Variants in LYST observed in about 807,000 individuals in gnomAD.
LYST encodes lysosomal trafficking regulator.
Under a neutral mutation model 413.6 loss-of-function variants are expected in LYST, and 192 were observed. The ratio of observed to expected loss-of-function variants is 0.46; its 90% CI spans 0.41 to 0.52. The LOEUF (loss-of-function observed/expected upper bound fraction) is 0.52, where lower values mean the gene tolerates loss of function less well. LYST is among the 20% of genes least tolerant of loss of function. The probability of loss-of-function intolerance (pLI) is 0.00; values close to 1 mark genes in which losing one functional copy is unlikely to be tolerated. For synonymous variants in LYST, 1,525 were observed against 1,567.3 expected (o/e 0.97, Z 0.64); for missense variants, 3,815 against 4,499.9 (o/e 0.85, Z 4.35).
rs1412066795 is a variant in LYST at position 235,770,218 on chromosome 1, T to C, written c.5864A>G (p.Lys1955Arg). Reference sequence around the variant, plus strand: ...AACCACTTGAGCTTTCAATAACTGCTTAATATTAAACATCTGCTGGTGGTG... The same window carrying C: ...AACCACTTGAGCTTTCAATAACTGCCTAATATTAAACATCTGCTGGTGGTG... ...ADHHQQMFNI[K>R]QLLKAQVVHH... is the part of the protein sequence containing the mutation. Residue 1955 changes from lysine (K) to arginine (R), a missense_variant, in exon 20 of 53, where the codon AAG becomes AGG. By Grantham distance (26) the Lys-to-Arg change is conservative. Transcript: ENST00000389793. 1.2e-6 allele frequency: 2 copies of C among 1,613,678 alleles called. No individual in the cohort carries two copies. The highest frequency in any genetic ancestry group is 2.7e-5 in the African/African-American group (2 of 74,920).
At chr1:235,692,370 C>G (rs529467336) in intron 47 of LYST, among the ~76,000 whole-genome samples, 1 of 151,892 alleles carries the variant, frequency 6.6e-6, no homozygotes, top group South Asian at 2.1e-4. Flanking sequence ...ACCAACCTAG[C>G]TGCTATCAGT....
rs1659229533 is a variant in LYST at position 235,674,677 on chromosome 1, A to G, written c.11038+2414T>C. 6.6e-6 allele frequency among the ~76,000 whole-genome samples: 1 copy of G among 152,196 alleles called. No homozygotes were observed. The highest frequency in any genetic ancestry group is 2.1e-4 in the South Asian group (1 of 4,834). On this transcript the variant is annotated intron_variant, in intron 50 of 52. Coordinates refer to ENST00000389793, the MANE Select transcript of LYST (RefSeq NM_000081.4). The surrounding 1 kb of genome is among the most constrained non-coding windows in gnomAD (Gnocchi z 4.1). Reference sequence around the variant, plus strand: ...GGTCCTACCAGTCAGATGGCTTAGGAAAATAGAATAGCCCTTAACATAATA... The same window carrying G: ...GGTCCTACCAGTCAGATGGCTTAGGGAAATAGAATAGCCCTTAACATAATA...
intron 40 of LYST, among the ~76,000 whole-genome samples, chr1:235,719,346 A>G (rs1056625678): frequency 1.3e-5 from 2 of 152,084 alleles, no homozygotes; most frequent in African/African-American, 4.8e-5. Context: ...ACAAGACCAT[A>G]TTAGTTTCCT....
intron 50 of LYST, among the ~76,000 whole-genome samples, chr1:235,670,514 C>T (rs1410052363): frequency 2.0e-5 from 3 of 152,132 alleles, no homozygotes; most frequent in South Asian, 2.1e-4. Context: ...TGTGAGGAGA[C>T]GTGTCTCACT....
chr1:235,721,033 C>T, intron 39 of LYST, 128 bp from the exon 40 acceptor site: 2 of 895,692 alleles, frequency 2.2e-6, no homozygotes, highest in Non-Finnish European at 1.8e-6. Flanking sequence ...ATTTTTTTCT[C>T]AGTAACATTA....
intron 44 of LYST, among the ~76,000 whole-genome samples, chr1:235,707,747 T>C (rs1662101657): frequency 6.6e-6 from 1 of 152,210 alleles, no homozygotes. Context: ...AAACAAATCC[T>C]AACTAAATAT....
At chr1:235,762,987 A>T in intron 21 of LYST, 136 bp from the exon 22 acceptor site, 1 of 678,606 alleles carries the variant, frequency 1.5e-6, no homozygotes. Context: ...CATACTTTAT[A>T]TTAAGGCACA....
intron 45 of LYST, among the ~76,000 whole-genome samples, chr1:235,701,653 G>T (rs1477517726): frequency 1.3e-5 from 2 of 151,568 alleles, no homozygotes; most frequent in African/African-American, 4.9e-5. Flanking sequence ...AATCAATCAA[G>T]TGACAGATTG....
At chr1:235,720,955 T>C in intron 39 of LYST, 50 bp from the exon 40 acceptor site, 1 of 1,584,866 alleles carries the variant, frequency 6.3e-7, no homozygotes, top group Non-Finnish European at 8.6e-7. Context: ...TTAGTCTTAT[T>C]GGCACTTTTC....
Position 235,788,753 on chromosome 1 carries a change from C to T in LYST, c.4636G>A (p.Ala1546Thr), listed in dbSNP as rs1670689848. ...TCAGCCCACACTTGGATCATCAACGCTTTGGATCCCAGTGAAATTATATGA... is the reference window on the plus strand; with the variant it reads ...TCAGCCCACACTTGGATCATCAACGTTTTGGATCCCAGTGAAATTATATGA... ...CIHIISLGSK[A>T]LMIQVWADPH... is the part of the protein sequence containing the mutation. Residue 1546 changes from alanine (A) to threonine (T), a missense_variant, in exon 13 of 53, where the codon GCG becomes ACG. Ala to Thr is a moderately conservative substitution (Grantham distance 58, BLOSUM62 0). Transcript: ENST00000389793. 3 of 1,613,532 alleles carry T rather than the reference C, an allele frequency of 1.9e-6. No individual in the cohort carries two copies. The highest frequency in any genetic ancestry group is 4.5e-5 in the East Asian group (2 of 44,796).
Position 235,806,239 on chromosome 1 carries a change from A to ATG in LYST, c.2896_2897insCA (p.Met966ThrfsTer9). 6.2e-7 allele frequency: 1 copy of ATG among 1,614,044 alleles called. No homozygotes were observed. The highest frequency in any genetic ancestry group is 1.1e-5 in the South Asian group (1 of 91,086). ...ACTCAACATGTAGATCCAACGACAC[A>ATG]TAGACCAAATGTCTGCTGCTTGGTG... On this transcript the variant is annotated frameshift_variant, in exon 6 of 53. Coordinates refer to ENST00000389793, the MANE Select transcript of LYST (RefSeq NM_000081.4). LOFTEE classifies it high-confidence loss of function.
chr1:235,670,394 TTCTG>T (rs942594503), intron 50 of LYST, among the ~76,000 whole-genome samples: 31 of 152,162 alleles, frequency 2.0e-4, no homozygotes, highest in Non-Finnish European at 4.3e-4. Flanking sequence ...CTGAGAAATG[TTCTG>T]TCTAAGTGCT....
intron 1 of LYST, among the ~76,000 whole-genome samples, chr1:235,834,638 G>A (rs899120695): frequency 4.6e-5 from 7 of 152,138 alleles, no homozygotes; most frequent in African/African-American, 1.7e-4. Flanking sequence ...ATTATTCTAG[G>A]CACTTGAAGA....
At chr1:235,779,243 G>C (rs1269866030) in intron 16 of LYST, among the ~76,000 whole-genome samples, 1 of 152,106 alleles carries the variant, frequency 6.6e-6, no homozygotes, top group African/African-American at 2.4e-5. Context: ...TAAACAATTT[G>C]CTCTCTAAAA....
chr1:235,822,009 T>C (rs1028197049), intron 3 of LYST, among the ~76,000 whole-genome samples: 1 of 152,226 alleles, frequency 6.6e-6, no homozygotes, highest in South Asian at 2.1e-4. Flanking sequence ...ATTATAGATG[T>C]GGCTTTTGAG....
chr1:235,681,106 C>T (rs1659780390), intron 48 of LYST, among the ~76,000 whole-genome samples: 1 of 151,986 alleles, frequency 6.6e-6, no homozygotes, highest in Admixed American at 6.6e-5. Context: ...CTCCGGGGAC[C>T]CACAGATAAG....
At chr1:235,708,391 A>G (rs185054797) in intron 44 of LYST, among the ~76,000 whole-genome samples, 21 of 152,334 alleles carry the variant, frequency 1.4e-4, no homozygotes, top group East Asian at 5.8e-4. Context: ...AAGAGTTAAC[A>G]TAGCAAGATT....
chr1:235,801,178 A>G, intron 8 of LYST, 81 bp from the exon 9 acceptor site: 1 of 935,488 alleles, frequency 1.1e-6, no homozygotes, highest in Non-Finnish European at 1.7e-6. Context: ...TAGAAGATCT[A>G]GTGGCAAAAA....
At chr1:235,795,249 A>G (rs1422158095) in intron 10 of LYST, among the ~76,000 whole-genome samples, 3 of 152,224 alleles carry the variant, frequency 2.0e-5, no homozygotes, top group Non-Finnish European at 4.4e-5. Flanking sequence ...ATAGTTCAGT[A>G]TTCACTTTTA....
Sources: gnomAD v4.1 joint callset for allele counts (sites outside exome capture counted in the v4.1 genomes callset) on GRCh38, gnomAD v4.1.1 for gene constraint, Gnocchi (gnomAD v3.1) non-coding constraint, MANE v1.5 for transcripts, NCBI Gene and HGNC (gene_info 2026-07-23, HGNC 2026-07-21) for gene names.